Variants in KTN1 observed in about 807,000 individuals in gnomAD.
KTN1 encodes the protein kinectin.
A neutral mutation model predicts 222.5 loss-of-function variants in KTN1; 130 were observed. The observed-to-expected ratio is 0.58, with a 90% CI of 0.51 to 0.68. The LOEUF (loss-of-function observed/expected upper bound fraction) is 0.68, where lower values mean the gene tolerates loss of function less well. Ranked by LOEUF, KTN1 falls within the 30% of genes least tolerant of loss-of-function variation. The pLI is 0.00. For missense variants in KTN1, 1,508 were observed against 1,500.4 expected (o/e 1.01, Z -0.08); for synonymous variants, 512 against 496.3 (o/e 1.03, Z -0.42).
chr14:55,593,655 C>A (rs1043836753), intron 1 of KTN1, among the ~76,000 whole-genome samples: 9 of 151,930 alleles, frequency 5.9e-5, no homozygotes, highest in African/African-American at 1.9e-4. Context: ...AAAATACTTG[C>A]AAAGCACTTG....
At chr14:55,601,557 C>T (rs997702122) in intron 1 of KTN1, among the ~76,000 whole-genome samples, 17 of 151,914 alleles carry the variant, frequency 1.1e-4, no homozygotes, top group African/African-American at 3.6e-4. Context: ...TTTTGATGGC[C>T]GTTTCAGGAA....
intron 8 of KTN1, 63 bp from the exon 9 acceptor site, chr14:55,634,463 T>G: frequency 7.0e-7 from 1 of 1,436,420 alleles, no homozygotes; most frequent in Non-Finnish European, 9.3e-7. Flanking sequence ...CAAAGTATGT[T>G]TTGTTTATTT....
At chr14:55,602,424 G>T (rs1240866834) in intron 1 of KTN1, among the ~76,000 whole-genome samples, 1 of 152,166 alleles carries the variant, frequency 6.6e-6, no homozygotes, top group Non-Finnish European at 1.5e-5. Context: ...TCCTTTCGCA[G>T]TGAGATTATA....
At position 55,596,539 on chromosome 14, in the gene KTN1, A is replaced by C. The variant is rs1031981811; in HGVS notation, c.-30-15480A>C. On this transcript the variant is annotated intron_variant, in intron 1 of 43. Transcript: ENST00000395314. ...GCTATATTTTAGGTTCTGATAACTG[A>C]TCATCTTTCATCCTCTTACCTCATA... Among the ~76,000 whole-genome samples, 119 of 152,290 alleles carry C rather than the reference A, an allele frequency of 7.8e-4. 1 individual carries two copies. The highest frequency in any genetic ancestry group is 2.6e-3 in the African/African-American group (109 of 41,538).
intron 7 of KTN1, among the ~76,000 whole-genome samples, chr14:55,632,636 A>T (rs906799892): frequency 1.3e-5 from 2 of 152,160 alleles, no homozygotes; most frequent in Non-Finnish European, 1.5e-5. Flanking sequence ...AGCATTATGG[A>T]TATATTTAAT....
Position 55,603,595 on chromosome 14 carries a change from A to G in KTN1, c.-30-8424A>G, listed in dbSNP as rs374526810. The stretch of plus-strand genomic sequence containing the variant: ...CTTCATTTTCCTGTTGTTGAATTTC[A>G]GTGCTTCAGTCTTGAGACCTGGTCT... On this transcript the variant is annotated intron_variant, in intron 1 of 43. Transcript: ENST00000395314. Among the ~76,000 whole-genome samples the G allele has an allele frequency of 3.1e-3, 475 of 152,316 alleles. 3 individuals are homozygous for G. The highest frequency in any genetic ancestry group is 8.3e-3 in the Admixed American group (127 of 15,306).
At position 55,637,328 on chromosome 14, in the gene KTN1, G is replaced by C. The variant is rs776170138; in HGVS notation, c.1680G>C (p.Arg560Ser). The stretch of plus-strand genomic sequence containing the variant: ...AGTTAATGGAATCAGAGCAGAAAAG[G>C]GTGAACAAAGAAGAGTCTCTACAAA... ...LMQLMESEQK[R>S]VNKEESLQMQ... Residue 560 changes from arginine (R) to serine (S), a missense_variant, in exon 11 of 44, where the codon AGG becomes AGC. Coordinates refer to ENST00000395314, the MANE Select transcript of KTN1 (RefSeq NM_001079521.2). 2.1e-5 allele frequency: 34 copies of C among 1,603,128 alleles called. No homozygotes were observed. Among genetic ancestry groups the C allele is most frequent in the Non-Finnish European group, 2.7e-5 (32 of 1,174,642 alleles).
intron 2 of KTN1, 34 bp from the exon 3 acceptor site, chr14:55,616,483 C>G (rs773323187): frequency 1.2e-5 from 19 of 1,533,468 alleles, no homozygotes; most frequent in South Asian, 5.1e-5. Context: ...TCATTGTTTG[C>G]CACAATTATT....
rs757617614 is a variant in KTN1 at position 55,678,348 on chromosome 14, A to G, written c.3856-4A>G. The G allele has an allele frequency of 3.8e-6, 6 of 1,577,748 alleles. No individual in the cohort carries two copies. In the South Asian group the frequency reaches 5.5e-5, roughly 15 times the overall value. ...TAGTAGCTACCATATTGTTTTCCTT[A>G]TAGGCTCAACAGTCACTGGAGCTTA... On this transcript the variant is annotated splice_region_variant and splice_polypyrimidine_tract_variant and intron_variant, in intron 41 of 43. Coordinates refer to ENST00000395314, the MANE Select transcript of KTN1 (RefSeq NM_001079521.2).
intron 12 of KTN1, among the ~76,000 whole-genome samples, chr14:55,638,596 G>A (rs2041411136): frequency 6.6e-6 from 1 of 151,806 alleles, no homozygotes; most frequent in Non-Finnish European, 1.5e-5. Context: ...TGCTTTATCT[G>A]TAGAAATTAT....
Position 55,653,615 on chromosome 14 carries a change from C to A in KTN1, c.2801+19C>A, listed in dbSNP as rs545887203. On this transcript the variant is annotated intron_variant, in intron 28 of 43. Coordinates refer to ENST00000395314, the MANE Select transcript of KTN1 (RefSeq NM_001079521.2). The stretch of plus-strand genomic sequence containing the variant: ...AGATTGTGTAAGTATGCTTTAAGAC[C>A]ACATTTTGAAGAGAAACAAACGTCT... The A allele has an allele frequency of 2.6e-5, 41 of 1,587,560 alleles. No individual in the cohort carries two copies. The Admixed American group carries it at 3.7e-4, about 14-fold the overall frequency.
Position 55,650,385 on chromosome 14 carries a change from T to C in KTN1, c.2463T>C (p.Leu821=), listed in dbSNP as rs2042818502. 1 of 1,611,222 alleles carries C rather than the reference T, an allele frequency of 6.2e-7. No homozygotes were observed. The highest frequency in any genetic ancestry group is 1.1e-5 in the South Asian group (1 of 90,402). ...TAGAAGAGCTTCTGGAGGCAGAACTTCTCAAAGTTGCTAACAAGGAGAAAA... is the reference window on the plus strand; with the variant it reads ...TAGAAGAGCTTCTGGAGGCAGAACTCCTCAAAGTTGCTAACAAGGAGAAAA... ...KSVEELLEAE[L]LKVANKEKTV... The change falls in exon 23 of 44, where the codon CTT becomes CTC. Residue 821 remains leucine, a synonymous_variant. Coordinates refer to ENST00000395314, the MANE Select transcript of KTN1 (RefSeq NM_001079521.2).
Position 55,612,462 on chromosome 14 carries a change from T to C in KTN1, c.414T>C (p.Ile138=). The C allele has an allele frequency of 3.1e-6, 5 of 1,614,104 alleles. No individual in the cohort carries two copies. Among genetic ancestry groups the C allele is most frequent in the Non-Finnish European group, 4.2e-6 (5 of 1,180,000 alleles). ...TCAAAGAAAGTGACGCATCAAAGAT[T>C]CCTGGCAAAAAAGTAGAACCTGTCC... ...QVIKESDASK[I]PGKKVEPVPV... is the part of the protein sequence containing the mutation. Residue 138 remains isoleucine (I), a synonymous_variant, in exon 2 of 44, where the codon ATT becomes ATC. Coordinates refer to ENST00000395314, the MANE Select transcript of KTN1 (RefSeq NM_001079521.2).
intron 31 of KTN1, among the ~76,000 whole-genome samples, chr14:55,660,398 T>G (rs1254140340): frequency 2.0e-5 from 3 of 151,408 alleles, no homozygotes; most frequent in Non-Finnish European, 4.4e-5. Flanking sequence ...AGTTTTTTTT[T>G]TTTTTTTTTT....
At chr14:55,671,057 A>C (rs556304549) in intron 35 of KTN1, among the ~76,000 whole-genome samples, 2 of 152,140 alleles carry the variant, frequency 1.3e-5, no homozygotes, top group Non-Finnish European at 2.9e-5. Context: ...TCTAAAATTG[A>C]ATATTTATCC....
At chr14:55,614,192 A>G (rs893803902) in intron 2 of KTN1, among the ~76,000 whole-genome samples, 1 of 152,154 alleles carries the variant, frequency 6.6e-6, no homozygotes, top group African/African-American at 2.4e-5. Context: ...TAGGTTAGCC[A>G]TTGTTGAAGA....
chr14:55,643,619 G>C (rs1184452274), intron 18 of KTN1, among the ~76,000 whole-genome samples: 3 of 152,154 alleles, frequency 2.0e-5, no homozygotes, highest in African/African-American at 7.2e-5. Flanking sequence ...TTATATTCTA[G>C]TAGTATCCAG....
chr14:55,599,632 C>T (rs1594766185), intron 1 of KTN1, among the ~76,000 whole-genome samples: 1 of 152,048 alleles, frequency 6.6e-6, no homozygotes, highest in African/African-American at 2.4e-5. Context: ...CCCGCCACCA[C>T]GCTCGGCTAA....
chr14:55,602,306 TAGG>T (rs1407742959), intron 1 of KTN1, among the ~76,000 whole-genome samples: 1 of 152,196 alleles, frequency 6.6e-6, no homozygotes, highest in Non-Finnish European at 1.5e-5. Flanking sequence ...TCTGGAACTT[TAGG>T]AGGAGAACTA....
Sources: gnomAD v4.1 joint callset for allele counts (sites outside exome capture counted in the v4.1 genomes callset) on GRCh38, gnomAD v4.1.1 for gene constraint, MANE v1.5 for transcripts, NCBI Gene and HGNC (gene_info 2026-07-23, HGNC 2026-07-21) for gene names.